The following THADA variants were observed in gnomAD, a reference collection of about 807,000 sequenced individuals.
THADA encodes the protein tRNA (32-2'-O)-methyltransferase regulator THADA.
A neutral mutation model predicts 219.8 loss-of-function variants in THADA; 213 were observed. The observed-to-expected ratio is 0.97, with a 90% CI of 0.87 to 1.09. THADA has a LOEUF of 1.09. THADA is among the 50% of genes least tolerant of loss of function. The pLI is 0.00. For missense variants in THADA, 2,956 were observed against 2,311.3 expected, an observed-to-expected ratio of 1.28 and a Z score of -5.72; for synonymous variants, 1,018 against 828.9, an observed-to-expected ratio of 1.23 and a Z score of -3.92.
rs1293489700 is a variant in THADA at position 43,323,871 on chromosome 2, T to C, written c.4344-3331A>G. Among the ~76,000 whole-genome samples, 3 of 152,224 alleles carry C rather than the reference T, an allele frequency of 2.0e-5. No individual in the cohort carries two copies. The East Asian group carries it at 5.8e-4, about 29-fold the overall frequency. ...GGGCATTTGGAAAGAGGGTAAGAGA[T>C]GTGAGAGGGAATTCATTTGGCTTCT... On this transcript the variant is annotated intron_variant, in intron 30 of 37. Coordinates refer to ENST00000405975, the MANE Select transcript of THADA (RefSeq NM_022065.5).
At chr2:43,482,998 G>A (rs572291731) in intron 26 of THADA, among the ~76,000 whole-genome samples, 7 of 152,284 alleles carry the variant, frequency 4.6e-5, no homozygotes, top group Admixed American at 3.3e-4. Flanking sequence ...GCAGCAAAAT[G>A]CCTAGAAACC....
At chr2:43,291,790 AAAAC>A in intron 33 of THADA, 22 bp from the exon 34 acceptor site, 1 of 1,529,808 alleles carries the variant, frequency 6.5e-7, no homozygotes, top group Non-Finnish European at 8.8e-7. Context: ...AACAAACAAA[AAAAC>A]AACACAAAAT....
In THADA at chr2:43,574,827, A is replaced by G. The variant is rs770042940; in HGVS notation, c.1238T>C (p.Ile413Thr). Reference sequence around the variant, plus strand: ...CATTTGGAGAAGGTTTTTGAACATGATTTTGGTTTGGTGTCTCAGAGCATC... The same window carrying G: ...CATTTGGAGAAGGTTTTTGAACATGGTTTTGGTTTGGTGTCTCAGAGCATC... ...PLDALRHQTK[I>T]MFKNLLQMHR... The change falls in exon 11 of 38, where the codon ATC (isoleucine) becomes ACC (threonine). Residue 413 changes from isoleucine to threonine, a missense_variant. Physicochemically the swap from Ile to Thr is moderately conservative, Grantham distance 89. Transcript: ENST00000405975. 4.7e-5 allele frequency: 76 copies of G among 1,613,850 alleles called. No individual in the cohort carries two copies. The South Asian group carries it at 7.7e-4, about 16-fold the overall frequency.
chr2:43,254,514 CCGCTTCATCT>C (rs1179320769), intron 36 of THADA, among the ~76,000 whole-genome samples: 1 of 152,008 alleles, frequency 6.6e-6, no homozygotes, highest in Non-Finnish European at 1.5e-5. Flanking sequence ...TTGTGTCATC[CCGCTTCATCT>C]CACCCCACCC....
intron 26 of THADA, among the ~76,000 whole-genome samples, chr2:43,467,247 GA>G (rs1684374233): frequency 7.3e-6 from 1 of 136,438 alleles, no homozygotes; most frequent in Admixed American, 7.3e-5. Flanking sequence ...GTTACTTTAA[GA>G]AATACTGTAT....
rs1685396964 is a variant in THADA at position 43,475,377 on chromosome 2, C to T, written c.3836+9857G>A. ...GAGGTTGCAGTGAGCCAAGGTTGTG[C>T]CAGCCACTGCACTCCAGCCTGGGCG... On this transcript the variant is annotated intron_variant, in intron 26 of 37. Transcript: ENST00000405975. Among the ~76,000 whole-genome samples, 3 of 140,904 alleles carry T rather than the reference C, an allele frequency of 2.1e-5. No homozygotes were observed. The South Asian group carries it at 6.5e-4, about 30-fold the overall frequency. The allele number at this position is 140,904 out of a possible 152,430, so 92.4% of individuals were successfully genotyped here.
intron 26 of THADA, among the ~76,000 whole-genome samples, chr2:43,466,943 G>T (rs532679645): frequency 6.6e-6 from 1 of 151,250 alleles, no homozygotes; most frequent in African/African-American, 2.4e-5. Flanking sequence ...AGCACTTTGG[G>T]AGGCCGAGGC....
intron 22 of THADA, among the ~76,000 whole-genome samples, chr2:43,516,370 C>A (rs1029111217): frequency 6.6e-6 from 1 of 152,122 alleles, no homozygotes. Context: ...CTGATCTCAT[C>A]TACAACTCTT....
In THADA at chr2:43,291,043, T is replaced by C. The variant is rs146265884; in HGVS notation, c.5010+653A>G. On this transcript the variant is annotated intron_variant, in intron 34 of 37. Coordinates refer to ENST00000405975, the MANE Select transcript of THADA (RefSeq NM_022065.5). ...TAAATACTTTTGGAATTGACATGCT[T>C]ACTCCTCTTTAAATAAAGAGTCCAG... Among the ~76,000 whole-genome samples the C allele has an allele frequency of 1.2e-4, 18 of 152,106 alleles. No individual in the cohort carries two copies. The East Asian group carries it at 3.5e-3, about 29-fold the overall frequency.
At position 43,297,613 on chromosome 2, in the gene THADA, C is replaced by CT. The variant is rs1392630407; in HGVS notation, c.4439-4401_4439-4400insA. 5.5e-3 allele frequency among the ~76,000 whole-genome samples: 565 copies of CT among 103,374 alleles called. 96 individuals are homozygous for CT. Among genetic ancestry groups the CT allele is most frequent in the African/African-American group, 0.03 (521 of 17,512 alleles). 67.8% of individuals were successfully genotyped at this position (103,374 alleles called of 152,430 possible). A position where few individuals can be genotyped will look rare whatever the true frequency, so the allele number is the denominator to read the frequency against. ...GAGGGAGGTGGGGGGGTCAGCCCCC[C>CT]GCCCGGCCAGCCCCCCCGTCCGGGA... is the stretch of plus-strand genomic sequence containing the variant. On this transcript the variant is annotated intron_variant, in intron 31 of 37. Coordinates refer to ENST00000405975, the MANE Select transcript of THADA (RefSeq NM_022065.5).
chr2:43,300,930 A>G (rs1558545801), intron 31 of THADA, among the ~76,000 whole-genome samples: 1 of 152,170 alleles, frequency 6.6e-6, no homozygotes, highest in East Asian at 1.9e-4. Context: ...GATGATTTGC[A>G]TTTTCAACAA....
rs1309354603 is a variant in THADA at position 43,232,748 on chromosome 2, C to A, written c.5431G>T (p.Asp1811Tyr). ...ILLGWLLGESDDLVACVESMH... is the reference protein window; with the variant it reads ...ILLGWLLGESYDLVACVESMH... ...CTCTCCACACAGGCCACGAGGTCAT[C>A]ACTCTCTCCCAACAGCCATCCCAGC... Residue 1811 changes from aspartate (D) to tyrosine (Y), a missense_variant, in exon 37 of 38, where the codon GAT becomes TAT. By Grantham distance (160) the Asp-to-Tyr change is radical (BLOSUM62 -3). Transcript: ENST00000405975. 1.2e-6 allele frequency: 2 copies of A among 1,613,938 alleles called. No individual in the cohort carries two copies. Among genetic ancestry groups the A allele is most frequent in the Admixed American group, 3.3e-5 (2 of 60,018 alleles).
In THADA at chr2:43,556,108, A is replaced by C; in HGVS notation, c.2674+237T>G. ...AAAGAGGTCATTCTCATTTCAAAAG[A>C]GCTTTATTAATAAATATTTGTATAT... On this transcript the variant is annotated intron_variant, in intron 17 of 37. Coordinates refer to ENST00000405975, the MANE Select transcript of THADA (RefSeq NM_022065.5). 7.5e-6 allele frequency: 7 copies of C among 933,738 alleles called. No homozygotes were observed. In the South Asian group the frequency reaches 2.5e-4, roughly 34 times the overall value. 57.8% of individuals were successfully genotyped at this position (933,738 alleles called of 1,614,324 possible). A position where few individuals can be genotyped will look rare whatever the true frequency, so the allele number is the denominator to read the frequency against.
intron 21 of THADA, among the ~76,000 whole-genome samples, chr2:43,531,492 C>T (rs1042566675): frequency 5.9e-5 from 9 of 152,118 alleles, no homozygotes; most frequent in African/African-American, 9.7e-5. Flanking sequence ...GAGAAGAATC[C>T]GATTACAAAT....
chr2:43,336,797 C>T (rs576053254), intron 30 of THADA, among the ~76,000 whole-genome samples: 1 of 152,326 alleles, frequency 6.6e-6, no homozygotes, highest in South Asian at 2.1e-4. Flanking sequence ...CAATCTGCTA[C>T]TTAATAAATG....
intron 29 of THADA, among the ~76,000 whole-genome samples, chr2:43,348,232 C>A (rs1667861347): frequency 6.6e-6 from 1 of 152,218 alleles, no homozygotes; most frequent in African/African-American, 2.4e-5. Flanking sequence ...GTAGGGCAAA[C>A]AGTCACCTGG....
intron 21 of THADA, among the ~76,000 whole-genome samples, chr2:43,528,771 CCT>C (rs1258377198): frequency 3.3e-5 from 5 of 152,112 alleles, no homozygotes; most frequent in Non-Finnish European, 5.9e-5. Flanking sequence ...GAAATAATTA[CCT>C]TTTTTCCTTC....
At chr2:43,309,394 G>C (rs933046658) in intron 31 of THADA, among the ~76,000 whole-genome samples, 1 of 152,142 alleles carries the variant, frequency 6.6e-6, no homozygotes, top group Non-Finnish European at 1.5e-5. Flanking sequence ...TGAATGTTCA[G>C]AGCAGCATTA....
chr2:43,473,688 A>C (rs112801539), intron 26 of THADA, among the ~76,000 whole-genome samples: 21,852 of 151,710 alleles, frequency 0.14, 2,141 homozygotes, highest in African/African-American at 0.28. Flanking sequence ...GGCTCACCAC[A>C]ACCTCTGCCT....
Sources: gnomAD v4.1 joint callset for allele counts (sites outside exome capture counted in the v4.1 genomes callset) on GRCh38, gnomAD v4.1.1 for gene constraint, MANE v1.5 for transcripts, NCBI Gene and HGNC (gene_info 2026-07-23, HGNC 2026-07-21) for gene names.